FLT1: variants seen among roughly 807,000 people sequenced by gnomAD.
The protein encoded by FLT1 is fms related receptor tyrosine kinase 1.
FLT1 carries 49 observed loss-of-function variants against 156.3 expected under a neutral mutation model. The observed-to-expected ratio is 0.31, with a 90% CI of 0.25 to 0.40. FLT1 has a LOEUF of 0.40. Ranked by LOEUF, FLT1 falls within the 10% of genes least tolerant of loss-of-function variation. The pLI is 1.00. For missense variants in FLT1, 1,322 were observed against 1,637.2 expected, an observed-to-expected ratio of 0.81 and a Z score of 3.32; for synonymous variants, 594 against 583.8, an observed-to-expected ratio of 1.02 and a Z score of -0.25.
chr13:28,413,859 C>G (rs1226698435), intron 10 of FLT1, among the ~76,000 whole-genome samples: 1 of 152,136 alleles, frequency 6.6e-6, no homozygotes, highest in Non-Finnish European at 1.5e-5. Flanking sequence ...CTAGTCAGAC[C>G]TGAGGTGAAA....
intron 3 of FLT1, among the ~76,000 whole-genome samples, chr13:28,450,755 T>C (rs897841672): frequency 1.3e-5 from 2 of 152,138 alleles, no homozygotes; most frequent in Admixed American, 6.5e-5. Context: ...CCTATCATGT[T>C]ACAGATGAGA....
chr13:28,301,307 T>G lies in FLT1; in HGVS notation c.*1860A>C, dbSNP rs114853715. ...TGTAAAGAAGAGGAAGAACAAAGAT[T>G]TGTCCTCTCTTCTGGCTCTAGCCTG... On this transcript the variant is annotated 3_prime_UTR_variant, in exon 30 of 30. Transcript: ENST00000282397. 6.3e-3 allele frequency: 1,475 copies of G among 233,124 alleles called. 26 individuals are homozygous for G. Among genetic ancestry groups the G allele is most frequent in the African/African-American group, 0.03 (1,358 of 45,416 alleles). 14.4% of individuals were successfully genotyped at this position (233,124 alleles called of 1,614,324 possible).
intron 14 of FLT1, among the ~76,000 whole-genome samples, 183 bp from the exon 15 acceptor site, chr13:28,357,868 CTTTTTTTTT>C (rs57304530): frequency 9.5e-6 from 1 of 104,732 alleles, no homozygotes; most frequent in African/African-American, 3.7e-5. Flanking sequence ...CTTTTCTTTC[CTTTTTTTTT>C]TTTTTTTTTT....
Position 28,321,502 on chromosome 13 carries a change from C to A in FLT1, c.3135G>T (p.Arg1045=). 1 of 1,614,102 alleles carries A rather than the reference C, an allele frequency of 6.2e-7. No individual in the cohort carries two copies. The highest frequency in any genetic ancestry group is 1.1e-5 in the South Asian group (1 of 91,078). Residue 1045 remains arginine (R), a synonymous_variant, in exon 23 of 30, where the codon CGG becomes CGT. Transcript: ENST00000282397. The part of the protein sequence containing the change: ...VVKICDFGLA[R]DIYKNPDYVR... ...CATAATCGGGGTTCTTATAAATATC[C>A]CGGGCAAGGCCAAAATCACAAATCT...
intron 27 of FLT1, among the ~76,000 whole-genome samples, chr13:28,310,539 C>G (rs1407461319): frequency 6.6e-6 from 1 of 152,124 alleles, no homozygotes; most frequent in Non-Finnish European, 1.5e-5. Context: ...CTTGCCAGAC[C>G]CAGCACTTGT....
chr13:28,307,327 C>G (rs7319213), intron 28 of FLT1, among the ~76,000 whole-genome samples: 146,741 of 152,272 alleles, frequency 0.96, 70,950 homozygotes, highest in East Asian at 1. Context: ...GCATGTTCCA[C>G]TAAGTGGATC....
At chr13:28,399,142 A>G in intron 11 of FLT1, 1 of 1,496,554 alleles carries the variant, frequency 6.7e-7, no homozygotes, top group South Asian at 1.2e-5. Flanking sequence ...GAGATCGTCA[A>G]ATACGACTCT....
At chr13:28,427,995 A>C in intron 8 of FLT1, 74 bp from the exon 9 acceptor site, 1 of 1,330,592 alleles carries the variant, frequency 7.5e-7, no homozygotes, top group Non-Finnish European at 1.1e-6. Flanking sequence ...CGGTCATTGA[A>C]GTTTTTGAGC....
intron 1 of FLT1, among the ~76,000 whole-genome samples, chr13:28,469,502 G>A (rs879514170): frequency 3.9e-5 from 6 of 152,144 alleles, no homozygotes; most frequent in African/African-American, 4.8e-5. Flanking sequence ...CAGGCTCCTC[G>A]TGAGTGGAAC....
At chr13:28,306,802 T>G in intron 28 of FLT1, 30 bp from the exon 29 acceptor site, 1 of 1,495,666 alleles carries the variant, frequency 6.7e-7, no homozygotes, top group Non-Finnish European at 9.3e-7. Context: ...GGTTATACTC[T>G]TGCCTGGCCC....
intron 1 of FLT1, among the ~76,000 whole-genome samples, chr13:28,478,326 T>G (rs1433672537): frequency 2.0e-5 from 3 of 152,242 alleles, no homozygotes; most frequent in African/African-American, 7.2e-5. Context: ...GGATTACAGT[T>G]TGGTCTATGT....
intron 3 of FLT1, among the ~76,000 whole-genome samples, chr13:28,457,933 C>CTTTTTTTTTTTTTTTTTTTT (rs894090277): frequency 3.5e-5 from 4 of 114,208 alleles, no homozygotes; most frequent in South Asian, 2.8e-4. Flanking sequence ...CTTTCCTTTT[C>CTTTTTTTTTTTTTTTTTTTT]TTTTTTTTTT....
intron 10 of FLT1, among the ~76,000 whole-genome samples, chr13:28,421,493 G>A (rs11149523): frequency 0.26 from 40,168 of 152,064 alleles, 6,071 homozygotes; most frequent in Non-Finnish European, 0.35. Flanking sequence ...TTGGCACTGC[G>A]GAAAATACGG....
chr13:28,441,795 T>G (rs1878348119), intron 3 of FLT1, among the ~76,000 whole-genome samples: 1 of 152,096 alleles, frequency 6.6e-6, no homozygotes, highest in South Asian at 2.1e-4. Context: ...AAGTTAAAAA[T>G]GATTATCTTT....
At chr13:28,434,036 A>G (rs1456133746) in intron 5 of FLT1, 22 bp downstream of exon 5, 1 of 1,614,034 alleles carries the variant, frequency 6.2e-7, no homozygotes, top group African/African-American at 1.3e-5. Flanking sequence ...GCTTATGTTC[A>G]TGCCTTTGAA....
At position 28,322,762 on chromosome 13, in the gene FLT1, CG is replaced by C; in HGVS notation, c.2953+27del. 6.2e-7 allele frequency: 1 copy of C among 1,607,512 alleles called. No homozygotes were observed. The highest frequency in any genetic ancestry group is 8.5e-7 in the Non-Finnish European group (1 of 1,175,054). ...AGTATGTTGTAAAAATATCTCAGCG[CG>C]TAGGACAGGAAGGAATTAATACCTA... On this transcript the variant is annotated intron_variant, in intron 21 of 29. Coordinates refer to ENST00000282397, the MANE Select transcript of FLT1 (RefSeq NM_002019.4). The surrounding 1 kb of genome is among the most constrained non-coding windows in gnomAD (Gnocchi z 4.3).
intron 3 of FLT1, among the ~76,000 whole-genome samples, chr13:28,458,942 AAAC>A (rs1879414845): frequency 6.6e-6 from 1 of 152,200 alleles, no homozygotes; most frequent in Non-Finnish European, 1.5e-5. Flanking sequence ...CTGCGATTGC[AAAC>A]AACATCATCA....
At chr13:28,487,745 T>G (rs1881245987) in intron 1 of FLT1, among the ~76,000 whole-genome samples, 1 of 152,044 alleles carries the variant, frequency 6.6e-6, no homozygotes, top group African/African-American at 2.4e-5. Flanking sequence ...CCGCTGCTGG[T>G]TTTTGCCACC....
At chr13:28,467,231 T>C (rs1254511896) in intron 2 of FLT1, 102 bp from the exon 3 acceptor site, 1 of 882,684 alleles carries the variant, frequency 1.1e-6, no homozygotes, top group Admixed American at 1.7e-5. Flanking sequence ...GGTCCTCTCT[T>C]AAGTGTAGTC....
Sources: allele counts gnomAD v4.1 joint callset (sites outside exome capture counted in the v4.1 genomes callset), GRCh38; gene constraint gnomAD v4.1.1; non-coding constraint Gnocchi (gnomAD v3.1); transcripts MANE v1.5; gene names NCBI Gene and HGNC (gene_info 2026-07-23, HGNC 2026-07-21).